Variants in TFDP1 observed in about 807,000 individuals in gnomAD.
The protein encoded by TFDP1 is transcription factor Dp-1, also known as DRTF1-polypeptide 1.
TFDP1 carries 6 observed loss-of-function variants against 48.0 expected under a neutral mutation model. The observed-to-expected ratio is 0.13, with a 90% confidence interval of 0.07 to 0.25. The LOEUF is 0.25. Ranked by LOEUF, TFDP1 falls within the 10% of genes least tolerant of loss-of-function variation. The probability of loss-of-function intolerance (pLI) is 1.00; values close to 1 mark genes in which losing one functional copy is unlikely to be tolerated. For missense variants in TFDP1, 335 were observed against 543.0 expected (o/e 0.62, Z 3.81); for synonymous variants, 201 against 211.6 (o/e 0.95, Z 0.44).
chr13:113,605,493 CAGGAGTT>C (rs1298830497), intron 2 of TFDP1, among the ~76,000 whole-genome samples: 2 of 152,190 alleles, frequency 1.3e-5, no homozygotes, highest in African/African-American at 4.8e-5. Context: ...GGCTGTGGGT[CAGGAGTT>C]TGGGAGTGGC....
At chr13:113,624,328 C>T (rs530586813) in intron 4 of TFDP1, among the ~76,000 whole-genome samples, 5 of 151,834 alleles carry the variant, frequency 3.3e-5, no homozygotes, top group Non-Finnish European at 2.9e-5. Flanking sequence ...GGTGTCCTCA[C>T]GTGTCTCTCG....
At chr13:113,637,315 C>CG in intron 10 of TFDP1, 1 of 273,802 alleles carries the variant, frequency 3.7e-6, no homozygotes, top group Non-Finnish European at 7.1e-6. Flanking sequence ...TAGATTTATT[C>CG]CCTGAGAGGG....
At chr13:113,585,909 T>C (rs2047992093) in intron 2 of TFDP1, 60 bp downstream of exon 2, 1 of 1,555,240 alleles carries the variant, frequency 6.4e-7, no homozygotes, top group Non-Finnish European at 8.8e-7. Context: ...TTCTTTGTAG[T>C]TCTCTGCCTT....
At chr13:113,628,380 C>T (rs1185009974) in intron 4 of TFDP1, among the ~76,000 whole-genome samples, 2 of 152,266 alleles carry the variant, frequency 1.3e-5, no homozygotes, top group African/African-American at 4.8e-5. Context: ...GCCGTGAGCA[C>T]AGTAGGAAGG....
intron 3 of TFDP1, among the ~76,000 whole-genome samples, chr13:113,620,294 C>G (rs2048966280): frequency 6.6e-6 from 1 of 152,236 alleles, no homozygotes; most frequent in Non-Finnish European, 1.5e-5. Flanking sequence ...GAGCCCCAGA[C>G]TGGGATGCCT....
At chr13:113,634,683 G>T in intron 8 of TFDP1, 81 bp downstream of exon 8, 1 of 1,035,870 alleles carries the variant, frequency 9.7e-7, no homozygotes, top group South Asian at 1.5e-5. Flanking sequence ...ACTGCCTTGG[G>T]TTACACTCCT....
rs1236106013 is a variant in TFDP1 at position 113,613,949 on chromosome 13, T to C, written c.79+2887T>C. Among the ~76,000 whole-genome samples, 3 of 148,486 alleles carry C rather than the reference T, an allele frequency of 2.0e-5. No individual in the cohort carries two copies. In the East Asian group the frequency reaches 6.0e-4, roughly 30 times the overall value. Reference sequence around the variant, plus strand: ...TGAGTTGTGTGCGTGTGTGTGCATGTGAATTGTGAGGAGTGCATATGGAGT... The same window carrying C: ...TGAGTTGTGTGCGTGTGTGTGCATGCGAATTGTGAGGAGTGCATATGGAGT... On this transcript the variant is annotated intron_variant, in intron 3 of 11. Coordinates refer to ENST00000375370, the MANE Select transcript of TFDP1 (RefSeq NM_007111.5).
chr13:113,597,998 G>T (rs2048326551), intron 2 of TFDP1, among the ~76,000 whole-genome samples: 1 of 152,202 alleles, frequency 6.6e-6, no homozygotes, highest in Non-Finnish European at 1.5e-5. Flanking sequence ...TTCCAGGAGG[G>T]CTGCAGGCAC....
chr13:113,630,708 G>C (rs2140568473), intron 4 of TFDP1, among the ~76,000 whole-genome samples: 1 of 152,242 alleles, frequency 6.6e-6, no homozygotes, highest in East Asian at 1.9e-4. Context: ...TCTTTGAAAA[G>C]TCAGAGTTGT....
chr13:113,590,229 G>T (rs905887333), intron 2 of TFDP1, among the ~76,000 whole-genome samples: 2 of 152,180 alleles, frequency 1.3e-5, no homozygotes, highest in South Asian at 4.1e-4. Context: ...CCGTTCTGTG[G>T]TGCCTGTTTG....
Position 113,623,209 on chromosome 13 carries a change from T to A in TFDP1, c.109T>A (p.Ser37Thr). Residue 37 changes from serine (S) to threonine (T), a missense_variant, in exon 4 of 12, where the codon TCC (serine) becomes ACC (threonine). Ser to Thr is a moderately conservative substitution (Grantham distance 58). This residue lies in a region of TFDP1 where 103 missense variants were observed against 140.4 expected (regional missense o/e 0.73). Transcript: ENST00000375370. The surrounding 1 kb of genome is among the most constrained non-coding windows in gnomAD (Gnocchi z 5.2). ...GGTGTCCCTCGTGGCCGTTCACCCC[T>A]CCACCGTCAACCCGCTCGGGAAGCA... ...GVVSLVAVHP[S>T]TVNPLGKQLL... 1 of 1,613,580 alleles carries A rather than the reference T, an allele frequency of 6.2e-7. No homozygotes were observed. Among genetic ancestry groups the A allele is most frequent in the South Asian group, 1.1e-5 (1 of 90,888 alleles).
At chr13:113,630,097 A>G (rs75005381) in intron 4 of TFDP1, among the ~76,000 whole-genome samples, 4,743 of 152,058 alleles carry the variant, frequency 0.031, 255 homozygotes, top group African/African-American at 0.11. Flanking sequence ...AGGCAGCCTG[A>G]GTGGCAGGGT....
chr13:113,602,509 T>C (rs987182435), intron 2 of TFDP1, among the ~76,000 whole-genome samples: 2 of 152,212 alleles, frequency 1.3e-5, no homozygotes, highest in African/African-American at 4.8e-5. Flanking sequence ...TCATTCATTA[T>C]GCAGTTTAAT....
At chr13:113,629,923 G>A (rs561862203) in intron 4 of TFDP1, among the ~76,000 whole-genome samples, 6 of 152,178 alleles carry the variant, frequency 3.9e-5, no homozygotes, top group Non-Finnish European at 5.9e-5. Context: ...GGTTAGAATC[G>A]TGTGTGGGAT....
At position 113,592,880 on chromosome 13, in the gene TFDP1, C is replaced by T. The variant is rs370264656; in HGVS notation, c.12+7031C>T. Among the ~76,000 whole-genome samples the T allele has an allele frequency of 4.1e-4, 60 of 146,928 alleles. 1 individual carries two copies. The East Asian group carries it at 0.01, about 25-fold the overall frequency. On this transcript the variant is annotated intron_variant, in intron 2 of 11. Transcript: ENST00000375370. ...GCCCAAGAGACAGTTGTGGTGTGCA[C>T]GGGTCCTCAGCCCTGCCCAGGTGAC...
rs143837950 is a variant in TFDP1 at position 113,606,438 on chromosome 13, G to A, written c.13-4558G>A. Among the ~76,000 whole-genome samples the A allele has an allele frequency of 4.5e-3, 683 of 152,214 alleles. 7 individuals are homozygous for A. The highest frequency in any genetic ancestry group is 0.013 in the African/African-American group (530 of 41,526). The stretch of plus-strand genomic sequence containing the variant: ...GGCTGGTAAATAGCGTCTTCTTGCC[G>A]TGCCCTCTCCTGGTGGAAGGGCCAG... On this transcript the variant is annotated intron_variant, in intron 2 of 11. Coordinates refer to ENST00000375370, the MANE Select transcript of TFDP1 (RefSeq NM_007111.5).
Position 113,623,276 on chromosome 13 carries a change from C to A in TFDP1, c.176C>A (p.Ala59Asp). Residue 59 changes from alanine to aspartate, a missense_variant, in exon 4 of 12, where the codon GCC becomes GAC. By Grantham distance (126) the Ala-to-Asp change is moderately radical. This residue lies in a region of TFDP1 where 103 missense variants were observed against 140.4 expected (regional missense o/e 0.73). Transcript: ENST00000375370. The surrounding 1 kb of genome is among the most constrained non-coding windows in gnomAD (Gnocchi z 5.2). ...KTFGQSNVNI[A>D]QQVVIGTPQR... ...TTTGGACAGTCCAATGTCAACATTG[C>A]CCAGCAAGTGGTAAGCCTCCCGCAG... 1 of 1,611,124 alleles carries A rather than the reference C, an allele frequency of 6.2e-7. No homozygotes were observed. Among genetic ancestry groups the A allele is most frequent in the African/African-American group, 1.3e-5 (1 of 74,920 alleles).
intron 11 of TFDP1, 68 bp downstream of exon 11, chr13:113,637,964 G>C: frequency 6.3e-7 from 1 of 1,575,150 alleles, no homozygotes; most frequent in South Asian, 1.2e-5. Context: ...GGCCAAGGCA[G>C]GGCAGCCGTC....
At chr13:113,619,470 C>CAAAAAAA (rs950584099) in intron 3 of TFDP1, among the ~76,000 whole-genome samples, 2 of 63,320 alleles carry the variant, frequency 3.2e-5, no homozygotes, top group Non-Finnish European at 6.6e-5. Flanking sequence ...GACTCCATCT[C>CAAAAAAA]AAAAAAAAAA....
Sources: allele counts gnomAD v4.1 joint callset (sites outside exome capture counted in the v4.1 genomes callset), GRCh38; gene constraint gnomAD v4.1.1; regional missense constraint gnomAD v4.1.1; non-coding constraint Gnocchi (gnomAD v3.1); transcripts MANE v1.5; gene names NCBI Gene and HGNC (gene_info 2026-07-23, HGNC 2026-07-21).